The following KCTD1 variants were observed in gnomAD, a reference collection of about 807,000 sequenced individuals.
KCTD1 encodes potassium channel tetramerization domain containing 1, also known as BTB/POZ domain-containing protein KCTD1.
In KCTD1, 24 loss-of-function variants were observed where a neutral mutation model predicts 66.0. The observed-to-expected ratio is 0.36, with a 90% CI of 0.26 to 0.51. The LOEUF (loss-of-function observed/expected upper bound fraction) is 0.51, where lower values mean the gene tolerates loss of function less well. KCTD1 is among the 20% of genes least tolerant of loss of function. KCTD1 has a pLI of 0.95. For missense variants in KCTD1, 943 were observed against 1,205.2 expected (o/e 0.78, Z 3.22); for synonymous variants, 511 against 517.2 (o/e 0.99, Z 0.16).
intron 3 of KCTD1, among the ~76,000 whole-genome samples, chr18:26,470,456 G>A (rs1402284306): frequency 6.6e-6 from 1 of 152,148 alleles, no homozygotes; most frequent in Non-Finnish European, 1.5e-5. Context: ...GTGATGCCTG[G>A]TGCCGTGATG....
chr18:26,492,604 T>C (rs1195895316), intron 2 of KCTD1, among the ~76,000 whole-genome samples: 1 of 138,940 alleles, frequency 7.2e-6, no homozygotes, highest in African/African-American at 2.6e-5. Context: ...AGACACTGTC[T>C]CAATAAATAA....
intron 1 of KCTD1, among the ~76,000 whole-genome samples, chr18:26,648,568 A>G (rs1317925526): frequency 2.6e-5 from 4 of 152,200 alleles, no homozygotes; most frequent in African/African-American, 9.6e-5. Context: ...CACAGAGTAA[A>G]TATTTTTTCC....
At chr18:26,594,399 A>G (rs1294029482) in intron 1 of KCTD1, among the ~76,000 whole-genome samples, 1 of 152,220 alleles carries the variant, frequency 6.6e-6, no homozygotes, top group East Asian at 1.9e-4. Flanking sequence ...GGAGGAGAGA[A>G]GTGATTTTTG....
chr18:26,618,611 G>A (rs778089077), intron 1 of KCTD1, among the ~76,000 whole-genome samples: 18 of 152,184 alleles, frequency 1.2e-4, no homozygotes, highest in Non-Finnish European at 2.4e-4. Flanking sequence ...GACTCTGTGG[G>A]CCAATTTAAT....
intron 1 of KCTD1, among the ~76,000 whole-genome samples, chr18:26,656,617 G>A (rs557040308): frequency 2.6e-5 from 4 of 151,248 alleles, no homozygotes; most frequent in African/African-American, 9.7e-5. Context: ...AAAGGGGGAA[G>A]GAAAAACCGC....
chr18:26,538,726 T>C lies in KCTD1; in HGVS notation c.1809+8002A>G, dbSNP rs113052137. Among the ~76,000 whole-genome samples the C allele has an allele frequency of 1.1e-3, 167 of 152,322 alleles. 3 individuals are homozygous for C. The highest frequency in any genetic ancestry group is 3.6e-3 in the African/African-American group (150 of 41,582). ...CAAGCAGTATCTCATTTAACACCCA[T>C]GCTCCTGTGAGATCATTGTTATCAT... On this transcript the variant is annotated intron_variant, in intron 1 of 4. Coordinates refer to ENST00000580059, the MANE Select transcript of KCTD1 (RefSeq NM_001142730.3).
chr18:26,619,770 A>G (rs574779891), intron 1 of KCTD1, among the ~76,000 whole-genome samples: 4 of 152,310 alleles, frequency 2.6e-5, no homozygotes, highest in East Asian at 3.9e-4. Context: ...TTGGACTACA[A>G]GGGGAGCCAC....
At chr18:26,473,704 T>C (rs910109441) in intron 3 of KCTD1, among the ~76,000 whole-genome samples, 1 of 152,114 alleles carries the variant, frequency 6.6e-6, no homozygotes, top group African/African-American at 2.4e-5. Context: ...CAAACCCCCA[T>C]GTCTTCAAAC....
intron 1 of KCTD1, among the ~76,000 whole-genome samples, chr18:26,598,471 T>TAC (rs4041522): frequency 0.31 from 46,494 of 149,644 alleles, 7,654 homozygotes; most frequent in East Asian, 0.51. Flanking sequence ...TCTCTTTTTT[T>TAC]ACACACACAC....
chr18:26,574,768 G>C (rs1442347472), intron 1 of KCTD1, among the ~76,000 whole-genome samples: 1 of 152,074 alleles, frequency 6.6e-6, no homozygotes, highest in Non-Finnish European at 1.5e-5. Context: ...TTTTATGATA[G>C]ATAAAATGAA....
chr18:26,514,762 G>A (rs1379728813), intron 1 of KCTD1, among the ~76,000 whole-genome samples: 1 of 152,214 alleles, frequency 6.6e-6, no homozygotes, highest in Non-Finnish European at 1.5e-5. Flanking sequence ...TCTTCTGGCT[G>A]TTGGGCTGTC....
intron 1 of KCTD1, among the ~76,000 whole-genome samples, chr18:26,604,857 A>C (rs1459548967): frequency 6.6e-6 from 1 of 152,174 alleles, no homozygotes; most frequent in Non-Finnish European, 1.5e-5. Flanking sequence ...TTATCTATGT[A>C]ACAAACCTTC....
intron 1 of KCTD1, among the ~76,000 whole-genome samples, chr18:26,508,724 TCTCTCA>T (rs1160372301): frequency 6.6e-6 from 1 of 151,916 alleles, no homozygotes; most frequent in African/African-American, 2.4e-5. Flanking sequence ...TCTCTCTCTC[TCTCTCA>T]CACACACACA....
At chr18:26,590,601 G>T (rs1986578751) in intron 1 of KCTD1, among the ~76,000 whole-genome samples, 2 of 151,956 alleles carry the variant, frequency 1.3e-5, no homozygotes, top group Admixed American at 6.6e-5. Flanking sequence ...CTTCTTTTCT[G>T]CTTGTGTGGT....
At chr18:26,504,466 A>C (rs1363887592) in intron 1 of KCTD1, among the ~76,000 whole-genome samples, 1 of 152,172 alleles carries the variant, frequency 6.6e-6, no homozygotes, top group Non-Finnish European at 1.5e-5. Flanking sequence ...CGTGAGCTCA[A>C]AGTGATCCTC....
intron 2 of KCTD1, among the ~76,000 whole-genome samples, chr18:26,484,107 C>T (rs962141754): frequency 6.6e-6 from 1 of 152,162 alleles, no homozygotes; most frequent in Non-Finnish European, 1.5e-5. Flanking sequence ...TTATCATAAA[C>T]AGCATTTAAT....
chr18:26,501,366 T>C, intron 1 of KCTD1, 116 bp from the exon 2 acceptor site: 1 of 908,830 alleles, frequency 1.1e-6, no homozygotes, highest in East Asian at 2.6e-5. Flanking sequence ...TAATAAAACC[T>C]GAAAAACCGG....
chr18:26,530,622 T>A (rs532165515), intron 1 of KCTD1, among the ~76,000 whole-genome samples: 1 of 152,340 alleles, frequency 6.6e-6, no homozygotes, highest in African/African-American at 2.4e-5. Context: ...TGTATGTGAT[T>A]CCTACTATGT....
intron 1 of KCTD1, among the ~76,000 whole-genome samples, chr18:26,649,546 T>C (rs1387528014): frequency 1.3e-5 from 2 of 152,142 alleles, no homozygotes; most frequent in Non-Finnish European, 2.9e-5. Context: ...TCTTGCTCTG[T>C]CGCCCAGGCT....
Sources: gnomAD v4.1 joint callset for allele counts (sites outside exome capture counted in the v4.1 genomes callset) on GRCh38, gnomAD v4.1.1 for gene constraint, MANE v1.5 for transcripts, NCBI Gene and HGNC (gene_info 2026-07-23, HGNC 2026-07-21) for gene names.